The following EIF4G3 variants were observed in gnomAD, a reference collection of about 807,000 sequenced individuals.
The protein encoded by EIF4G3 is eIF-4-gamma 3.
In EIF4G3, 34 loss-of-function variants were observed where a neutral mutation model predicts 186.4. The observed-to-expected ratio is 0.18, with a 90% CI of 0.14 to 0.24. EIF4G3 has a LOEUF of 0.24. EIF4G3 is among the 10% of genes least tolerant of loss of function. EIF4G3 has a pLI of 1.00. For synonymous variants in EIF4G3, 673 were observed against 679.5 expected, an observed-to-expected ratio of 0.99 and a Z score of 0.15; for missense variants, 1,536 against 1,948.5, an observed-to-expected ratio of 0.79 and a Z score of 3.99.
intron 14 of EIF4G3, among the ~76,000 whole-genome samples, chr1:20,933,308 C>T (rs1441615507): frequency 2.6e-5 from 4 of 152,046 alleles, no homozygotes; most frequent in Admixed American, 2.0e-4. Flanking sequence ...AGGGATAAGG[C>T]AGGGGAAGAA....
chr1:20,818,823 A>C (rs2061634798), intron 33 of EIF4G3, among the ~76,000 whole-genome samples: 1 of 152,182 alleles, frequency 6.6e-6, no homozygotes, highest in African/African-American at 2.4e-5. Flanking sequence ...GTATGGTCCT[A>C]TACCCTATCC....
chr1:21,081,603 T>C (rs1317812767), intron 3 of EIF4G3, among the ~76,000 whole-genome samples: 2 of 150,776 alleles, frequency 1.3e-5, no homozygotes, highest in African/African-American at 4.9e-5. Flanking sequence ...CTAGACTAAA[T>C]GTAACATGAA....
chr1:21,168,592 A>G (rs532885214), intron 2 of EIF4G3, among the ~76,000 whole-genome samples: 5 of 151,516 alleles, frequency 3.3e-5, no homozygotes, highest in African/African-American at 9.7e-5. Flanking sequence ...CTGGCAAACT[A>G]TTTTTTAATT....
intron 4 of EIF4G3, among the ~76,000 whole-genome samples, chr1:21,037,830 C>T (rs186675349): frequency 1.5e-3 from 224 of 152,334 alleles, no homozygotes; most frequent in Middle Eastern, 3.4e-3. Flanking sequence ...TCAAAAGGCA[C>T]TGTTCCTAAT....
intron 2 of EIF4G3, among the ~76,000 whole-genome samples, chr1:21,144,028 A>C (rs1189223843): frequency 6.6e-6 from 1 of 152,230 alleles, no homozygotes; most frequent in African/African-American, 2.4e-5. Flanking sequence ...ACACTATGCC[A>C]GACCCAAAAT....
chr1:21,083,037 C>CAAAAAAAAAAAAAAA (rs544781256), intron 3 of EIF4G3, among the ~76,000 whole-genome samples: 5 of 66,420 alleles, frequency 7.5e-5, no homozygotes, highest in Admixed American at 1.9e-4. Context: ...GACTCTGTCT[C>CAAAAAAAAAAAAAAA]AAAAAAAAAA....
At position 20,879,527 on chromosome 1, in the gene EIF4G3, G is replaced by A. The variant is rs1418266966; in HGVS notation, c.2425-7C>T. ...GAACTTTTCTAAAAAGCTCCTAGAA[G>A]GGCCACAAAAAAGAAAAAAGCATTA... On this transcript the variant is annotated splice_region_variant and splice_polypyrimidine_tract_variant and intron_variant, in intron 19 of 36. Transcript: ENST00000602326. The A allele has an allele frequency of 1.4e-6, 2 of 1,390,610 alleles. No homozygotes were observed. Among genetic ancestry groups the A allele is most frequent in the South Asian group, 2.0e-5 (1 of 51,144 alleles). The allele number at this position is 1,390,610 out of a possible 1,614,324, so 86.1% of individuals were successfully genotyped here.
intron 15 of EIF4G3, 119 bp downstream of exon 15, chr1:20,904,764 C>T (rs1190001808): frequency 1.8e-6 from 1 of 570,994 alleles, no homozygotes; most frequent in African/African-American, 1.9e-5. Context: ...AACAATTAGT[C>T]TCTGAGCTTG....
intron 11 of EIF4G3, among the ~76,000 whole-genome samples, chr1:20,971,806 G>T (rs542599147): frequency 1.3e-5 from 2 of 152,228 alleles, no homozygotes; most frequent in East Asian, 3.9e-4. Flanking sequence ...GCTAATTTTT[G>T]TATTTTCAGT....
Position 20,899,693 on chromosome 1 carries a change from T to C in EIF4G3, c.1999+4A>G. On this transcript the variant is annotated splice_donor_region_variant and intron_variant, in intron 16 of 36. Transcript: ENST00000602326. ...GGTACATAGGAAGGCAGGTATAAAC[T>C]TACCTGGTTTAAATGGAAATGTAAC... 1 of 1,614,058 alleles carries C rather than the reference T, an allele frequency of 6.2e-7. No homozygotes were observed. Among genetic ancestry groups the C allele is most frequent in the Non-Finnish European group, 8.5e-7 (1 of 1,179,968 alleles).
intron 30 of EIF4G3, among the ~76,000 whole-genome samples, chr1:20,834,975 C>A (rs1235935890): frequency 6.6e-6 from 1 of 152,116 alleles, no homozygotes; most frequent in Non-Finnish European, 1.5e-5. Context: ...ATATGTTAGA[C>A]CACAAAACAA....
intron 2 of EIF4G3, among the ~76,000 whole-genome samples, chr1:21,152,362 A>ATT (rs1355535670): frequency 1.5e-5 from 2 of 136,178 alleles, no homozygotes; most frequent in Non-Finnish European, 3.2e-5. Context: ...AGCAAATAAA[A>ATT]TTTTTAAAAA....
At chr1:20,971,598 TA>T (rs2154565723) in intron 11 of EIF4G3, among the ~76,000 whole-genome samples, 1 of 152,336 alleles carries the variant, frequency 6.6e-6, no homozygotes, top group East Asian at 1.9e-4. Flanking sequence ...TTTCTAATGA[TA>T]AAAACAAGTT....
Position 20,860,514 on chromosome 1 carries a change from T to C in EIF4G3, c.3115A>G (p.Asn1039Asp), listed in dbSNP as rs2076088271. The C allele has an allele frequency of 6.2e-7, 1 of 1,613,304 alleles. No homozygotes were observed. Among genetic ancestry groups the C allele is most frequent in the Admixed American group, 1.7e-5 (1 of 59,830 alleles). ...TGATCTGCTCTTCGAGATACCCAAT[T>C]GCACTATAAAAGCAGAAAATAAGGT... ...LQDVIDLRLC[N>D]WVSRRADQGP... The change falls in exon 24 of 37, where the codon AAT becomes GAT. Residue 1039 changes from asparagine (N) to aspartate (D), a missense_variant. By Grantham distance (23) the Asn-to-Asp change is conservative. This residue lies in a region of EIF4G3 where 110 missense variants were observed against 166.2 expected (regional missense o/e 0.66). Transcript: ENST00000602326.
At chr1:20,816,971 G>A (rs905370507) in intron 34 of EIF4G3, among the ~76,000 whole-genome samples, 1 of 145,550 alleles carries the variant, frequency 6.9e-6, no homozygotes, top group African/African-American at 2.6e-5. Flanking sequence ...TGAAACACGT[G>A]CTGTGTCCAC....
intron 4 of EIF4G3, among the ~76,000 whole-genome samples, chr1:21,005,485 C>T (rs1190032605): frequency 2.0e-5 from 3 of 152,118 alleles, no homozygotes; most frequent in African/African-American, 7.2e-5. Flanking sequence ...ATTAGAGGAA[C>T]ACTTTGTTCT....
intron 2 of EIF4G3, among the ~76,000 whole-genome samples, chr1:21,094,642 G>T: frequency 8.1e-6 from 1 of 122,870 alleles, no homozygotes; most frequent in African/African-American, 3.0e-5. Flanking sequence ...GAGGGGGGAG[G>T]GACAGCATTA....
At chr1:21,044,801 T>C (rs552694407) in intron 4 of EIF4G3, among the ~76,000 whole-genome samples, 1 of 152,086 alleles carries the variant, frequency 6.6e-6, no homozygotes, top group South Asian at 2.1e-4. Flanking sequence ...GTGTGTGCCA[T>C]CACACCTAGC....
At chr1:20,999,135 A>T (rs2082934531) in intron 6 of EIF4G3, among the ~76,000 whole-genome samples, 1 of 152,212 alleles carries the variant, frequency 6.6e-6, no homozygotes, top group Admixed American at 6.5e-5. Context: ...TCACCTCAGA[A>T]GCTAAAATGT....
Sources: allele counts gnomAD v4.1 joint callset (sites outside exome capture counted in the v4.1 genomes callset), GRCh38; gene constraint gnomAD v4.1.1; regional missense constraint gnomAD v4.1.1; transcripts MANE v1.5; gene names NCBI Gene and HGNC (gene_info 2026-07-23, HGNC 2026-07-21).